The following ASMT variants were observed in gnomAD, a reference collection of about 807,000 sequenced individuals.
ASMT encodes the protein acetylserotonin N-methyltransferase.
In ASMT, 53 loss-of-function variants were observed where a neutral mutation model predicts 41.3. That is an observed-to-expected ratio of 1.28 (90% CI 1.03 to 1.61). ASMT has a LOEUF of 1.61. Among genes scored for constraint, ASMT ranks in the 40% most tolerant of loss-of-function variants. The pLI, the probability that ASMT is intolerant of heterozygous loss-of-function variation, is 0.00. For missense variants in ASMT, 531 were observed against 441.3 expected, an observed-to-expected ratio of 1.20 and a Z score of -1.82; for synonymous variants, 231 against 184.8, an observed-to-expected ratio of 1.25 and a Z score of -2.03.
At chrX:1,621,020 C>T (rs1311706283) in intron 1 of ASMT, among the ~76,000 whole-genome samples, 8 of 151,738 alleles carry the variant, frequency 5.3e-5, no homozygotes, top group Admixed American at 3.3e-4. Context: ...CACTTGAACG[C>T]GGGAGGCGTA....
rs1305606374 is a variant in ASMT, at chrX:1,641,518, CTG to C, written c.911-1275_911-1274del. 3.0e-4 allele frequency among the ~76,000 whole-genome samples: 45 copies of C among 147,750 alleles called. 3 individuals are homozygous for C. The highest frequency in any genetic ancestry group is 1.8e-3 in the Admixed American group (26 of 14,246). On this transcript the variant is annotated intron_variant, in intron 8 of 8. Transcript: ENST00000381241. Reference sequence around the variant, plus strand: ...GTTCATGGGGACGTGAGCACAGCCTCTGTGTGTGTGTTGGGGACAGTGTCCCA... The same window carrying C: ...GTTCATGGGGACGTGAGCACAGCCTCTGTGTGTGTTGGGGACAGTGTCCCA...
At chrX:1,629,564 A>C (rs1934691644) in intron 4 of ASMT, among the ~76,000 whole-genome samples, 1 of 152,186 alleles carries the variant, frequency 6.6e-6, no homozygotes, top group African/African-American at 2.4e-5. Flanking sequence ...ACTCCTCTTC[A>C]GATAGAAATC....
At chrX:1,641,518 CTGTG>C (rs1305606374) in intron 8 of ASMT, among the ~76,000 whole-genome samples, 1 of 147,792 alleles carries the variant, frequency 6.8e-6, no homozygotes, top group Admixed American at 7.0e-5. Context: ...AGCACAGCCT[CTGTG>C]TGTGTGTTGG....
chrX:1,616,690 T>G (rs781003530), intron 1 of ASMT, among the ~76,000 whole-genome samples: 1 of 151,254 alleles, frequency 6.6e-6, no homozygotes, highest in Non-Finnish European at 1.5e-5. Context: ...GGCAACATAG[T>G]GAGACCCCCC....
chrX:1,636,898 ATGTGGGCACAGCCTCTGTGTGT>A (rs1934989055), intron 8 of ASMT, among the ~76,000 whole-genome samples: 2 of 143,854 alleles, frequency 1.4e-5, no homozygotes, highest in African/African-American at 5.1e-5. Flanking sequence ...GTTCATGAGG[ATGTGGGCACAGCCTCTGTGTGT>A]GATGGGGACA....
intron 7 of ASMT, among the ~76,000 whole-genome samples, chrX:1,634,180 CATAGTT>C (rs1934877544): frequency 6.6e-6 from 1 of 152,322 alleles, no homozygotes; most frequent in African/African-American, 2.4e-5. Context: ...CCATCATACA[CATAGTT>C]ATATTTACAA....
chrX:1,631,145 A>T (rs1350810864), intron 5 of ASMT, among the ~76,000 whole-genome samples: 1 of 150,604 alleles, frequency 6.6e-6, no homozygotes, highest in Admixed American at 6.6e-5. Context: ...CGATCTCCTG[A>T]CCTCGTGATC....
At chrX:1,627,143 G>T (rs772402600) in intron 3 of ASMT, among the ~76,000 whole-genome samples, 25 of 135,448 alleles carry the variant, frequency 1.8e-4, no homozygotes, top group African/African-American at 6.7e-4. Context: ...TGACCAACAT[G>T]ATGAAACCCC....
intron 7 of ASMT, among the ~76,000 whole-genome samples, chrX:1,633,985 C>G (rs1310788894): frequency 1.1e-4 from 16 of 151,784 alleles, no homozygotes; most frequent in Non-Finnish European, 2.4e-4. Context: ...GTTGACCAGG[C>G]TGGTCTCAAA....
intron 8 of ASMT, 169 bp downstream of exon 8, chrX:1,636,729 C>G (rs1409074992): frequency 4.3e-6 from 2 of 465,718 alleles, no homozygotes; most frequent in Admixed American, 6.4e-5. Flanking sequence ...GTCCTAATTT[C>G]TATTCTATTG....
intron 1 of ASMT, among the ~76,000 whole-genome samples, chrX:1,622,709 C>T (rs1934379404): frequency 6.6e-6 from 1 of 151,330 alleles, no homozygotes; most frequent in African/African-American, 2.4e-5. Context: ...GTCAGAAGTT[C>T]GAGACCAGCC....
chrX:1,615,366 A>G (rs1363952158), intron 1 of ASMT, 98 bp downstream of exon 1: 1 of 1,182,470 alleles, frequency 8.5e-7, no homozygotes, highest in Non-Finnish European at 1.2e-6. Flanking sequence ...AGTCTCCATC[A>G]TTTTAGGAGG....
At chrX:1,621,545 T>A (rs769352727) in intron 1 of ASMT, among the ~76,000 whole-genome samples, 115 of 152,192 alleles carry the variant, frequency 7.6e-4, no homozygotes, top group Middle Eastern at 3.4e-3. Flanking sequence ...CCTGAACTCC[T>A]GACCTCAGGT....
rs774990880 is a variant in ASMT, at chrX:1,615,260, G to C, written c.61G>C (p.Val21Leu). The C allele has an allele frequency of 2.2e-5, 35 of 1,592,688 alleles. No homozygotes were observed. In the South Asian group the frequency reaches 3.0e-4, roughly 14 times the overall value. The change falls in exon 1 of 9, where the codon GTG becomes CTG. Residue 21 changes from valine to leucine, a missense_variant. Transcript: ENST00000381241. ...LLNDYANGFM[V>L]SQVLFAACEL... ...TAATGACTACGCCAACGGCTTCATG[G>C]TGTCCCAGGTAGGATACGCTCTGTG... is the stretch of plus-strand genomic sequence containing the variant.
rs1298817635 is a variant in ASMT at position 1,625,824 on chromosome X, G to T, written c.374+1426G>T. Among the ~76,000 whole-genome samples the T allele has an allele frequency of 5.3e-5, 8 of 151,688 alleles. No individual in the cohort carries two copies. The South Asian group carries it at 1.0e-3, about 20-fold the overall frequency. On this transcript the variant is annotated intron_variant, in intron 3 of 8. Coordinates refer to ENST00000381241, the MANE Select transcript of ASMT (RefSeq NM_001171038.2). ...AAAAAATTAGCCGGGCGTGGTGGCG[G>T]GCGCCTGTAGTCCCAGCTACTCGGA...
chrX:1,615,582 C>T (rs1934055597), intron 1 of ASMT, among the ~76,000 whole-genome samples: 1 of 152,020 alleles, frequency 6.6e-6, no homozygotes, highest in Non-Finnish European at 1.5e-5. Context: ...GCGGGCGGAT[C>T]ACCTGAGGTC....
chrX:1,627,970 G>A (rs1362737025), intron 4 of ASMT, 199 bp downstream of exon 4: 4 of 646,116 alleles, frequency 6.2e-6, no homozygotes, highest in South Asian at 1.8e-5. Context: ...TCCTGAGGAG[G>A]TGCAACGTGA....
chrX:1,640,741 C>A (rs578230095), intron 8 of ASMT, among the ~76,000 whole-genome samples: 4 of 502 alleles, frequency 8.0e-3, no homozygotes, highest in Middle Eastern at 0.5. Context: ...AGATCCATCC[C>A]TCCTGATGGT....
Position 1,642,957 on chromosome X carries a change from A to T in ASMT, c.1065A>T (p.Arg355Ser). 6.2e-7 allele frequency: 1 copy of T among 1,613,970 alleles called. No individual in the cohort carries two copies. The highest frequency in any genetic ancestry group is 1.1e-5 in the South Asian group (1 of 91,066). Residue 355 changes from arginine to serine, a missense_variant, in exon 9 of 9, where the codon AGA becomes AGT. By Grantham distance (110) the Arg-to-Ser change is moderately radical. Transcript: ENST00000381241. The stretch of plus-strand genomic sequence containing the variant: ...TGCTCCTCTCTTCTGCTGGCTTCAG[A>T]GACTTCCAGTTTAAGAAAACAGGAG... ...YHMLLSSAGF[R>S]DFQFKKTGAI...
Sources: gnomAD v4.1 joint callset for allele counts (sites outside exome capture counted in the v4.1 genomes callset) on GRCh38, gnomAD v4.1.1 for gene constraint, MANE v1.5 for transcripts, NCBI Gene and HGNC (gene_info 2026-07-23, HGNC 2026-07-21) for gene names.